The following PCDHAC2 variants were observed in gnomAD, a reference collection of about 807,000 sequenced individuals.
PCDHAC2 encodes protocadherin alpha-C2.
PCDHAC2 carries 24 observed loss-of-function variants against 63.3 expected under a neutral mutation model. The ratio of observed to expected loss-of-function variants is 0.38; its 90% confidence interval spans 0.27 to 0.53. PCDHAC2 has a LOEUF of 0.53. Ranked by LOEUF, PCDHAC2 falls within the 20% of genes least tolerant of loss-of-function variation. PCDHAC2 has a pLI of 0.81. For synonymous variants in PCDHAC2, 569 were observed against 529.4 expected, an observed-to-expected ratio of 1.07 and a Z score of -1.03; for missense variants, 1,181 against 1,275.2, an observed-to-expected ratio of 0.93 and a Z score of 1.12.
chr5:141,004,486 C>CT (rs2098167953), intron 3 of PCDHAC2, among the ~76,000 whole-genome samples: 2 of 152,200 alleles, frequency 1.3e-5, no homozygotes, highest in South Asian at 4.1e-4. Flanking sequence ...TGGATTAACT[C>CT]TTGGCAGTCC....
At chr5:140,969,485 T>C (rs1485555970) in intron 1 of PCDHAC2, 154 bp downstream of exon 1, 4 of 1,461,452 alleles carry the variant, frequency 2.7e-6, no homozygotes, top group African/African-American at 2.9e-5. Flanking sequence ...CATAATCTGC[T>C]ATTTCCTCTC....
chr5:140,967,079 A>G lies in PCDHAC2; in HGVS notation c.313A>G (p.Ile105Val), dbSNP rs2096093467. 6.2e-6 allele frequency: 10 copies of G among 1,613,252 alleles called. No individual in the cohort carries two copies. Among genetic ancestry groups the G allele is most frequent in the Non-Finnish European group, 8.5e-6 (10 of 1,179,752 alleles). ...TGGAGCGCTCTTCGTCAACGAGCGC[A>G]TTGATCGGGAGGCGCTGTGTGAGCA... Reference protein sequence around the residue: ...TSGALFVNERIDREALCEQRP... With the variant: ...TSGALFVNERVDREALCEQRP... The change falls in exon 1 of 4, where the codon ATT (isoleucine) becomes GTT (valine). Residue 105 changes from isoleucine to valine, a missense_variant. Around this residue, in one of 3 missense-constraint regions of PCDHAC2, gnomAD observed 210 missense variants for 184.9 expected, o/e 1.14. Transcript: ENST00000289269.
In PCDHAC2 at chr5:140,967,207, T is replaced by G. The variant is rs376266648; in HGVS notation, c.441T>G (p.Arg147=). The G allele has an allele frequency of 9.9e-6, 16 of 1,613,648 alleles. No individual in the cohort carries two copies. The highest frequency in any genetic ancestry group is 1.1e-5 in the Non-Finnish European group (13 of 1,179,822). ...EILDINDNSP[R]FPRPNYQLQV... is the part of the protein sequence containing the mutation. ...TGGACATCAACGACAACTCACCGCG[T>G]TTCCCGCGGCCCAACTACCAGCTTC... The change falls in exon 1 of 4, where the codon CGT becomes CGG. Residue 147 remains arginine, a synonymous_variant. Coordinates refer to ENST00000289269, the MANE Select transcript of PCDHAC2 (RefSeq NM_018899.6).
At chr5:140,985,616 G>C in intron 3 of PCDHAC2, among the ~76,000 whole-genome samples, 1 of 152,104 alleles carries the variant, frequency 6.6e-6, no homozygotes, top group African/African-American at 2.4e-5. Flanking sequence ...CCGTGAACCA[G>C]CTGTGTATTG....
chr5:140,970,595 G>C (rs1554232604), intron 1 of PCDHAC2, among the ~76,000 whole-genome samples: 1 of 152,098 alleles, frequency 6.6e-6, no homozygotes, highest in African/African-American at 2.4e-5. Context: ...TATGCTTTGT[G>C]ATACTTAAAA....
chr5:141,004,101 T>C (rs2098153096), intron 3 of PCDHAC2, among the ~76,000 whole-genome samples: 1 of 152,220 alleles, frequency 6.6e-6, no homozygotes, highest in Admixed American at 6.5e-5. Flanking sequence ...TCCGTTTTCA[T>C]CTTCTTCAAA....
Position 140,967,704 on chromosome 5 carries a change from G to A in PCDHAC2, c.938G>A (p.Ser313Asn). The A allele has an allele frequency of 6.2e-7, 1 of 1,614,196 alleles. No individual in the cohort carries two copies. The highest frequency in any genetic ancestry group is 8.5e-7 in the Non-Finnish European group (1 of 1,180,040). Residue 313 changes from serine to asparagine, a missense_variant, in exon 1 of 4, where the codon AGT (serine) becomes AAT (asparagine). Physicochemically the swap from Ser to Asn is conservative, Grantham distance 46. Transcript: ENST00000289269. ...RERQLFSIDA[S>N]TGEVRVIGGL... ...AGGCAGCTCTTCAGCATAGATGCCA[G>A]TACCGGGGAAGTGCGAGTAATTGGG...
chr5:140,995,113 A>G (rs560699104), intron 3 of PCDHAC2, among the ~76,000 whole-genome samples: 68 of 152,252 alleles, frequency 4.5e-4, no homozygotes, highest in Non-Finnish European at 8.4e-4. Flanking sequence ...CAAGACCCTC[A>G]GTGGATGCCT....
intron 3 of PCDHAC2, among the ~76,000 whole-genome samples, chr5:140,990,733 A>G (rs2097410113): frequency 6.6e-6 from 1 of 152,198 alleles, no homozygotes; most frequent in Admixed American, 6.5e-5. Flanking sequence ...GTATATCAAC[A>G]GCCCTAGGGT....
At position 141,009,749 on chromosome 5, in the gene PCDHAC2, A is replaced by G. The variant is rs2098414176; in HGVS notation, c.2836A>G (p.Ile946Val). Residue 946 changes from isoleucine to valine, a missense_variant, in exon 4 of 4, where the codon ATT (isoleucine) becomes GTT (valine). Ile to Val is a conservative substitution (Grantham distance 29). Transcript: ENST00000289269. ...SGPGELPDKFIIPGSPAIISI... is the reference protein window; with the variant it reads ...SGPGELPDKFVIPGSPAIISI... The stretch of plus-strand genomic sequence containing the variant: ...TCCCGGTGAGTTGCCCGACAAATTC[A>G]TTATCCCAGGATCTCCTGCAATCAT... 3 of 1,614,200 alleles carry G rather than the reference A, an allele frequency of 1.9e-6. No homozygotes were observed. The highest frequency in any genetic ancestry group is 1.6e-4 in the Middle Eastern group (1 of 6,062).
chr5:141,001,693 G>A (rs1554258280), intron 3 of PCDHAC2, among the ~76,000 whole-genome samples: 1 of 152,122 alleles, frequency 6.6e-6, no homozygotes, highest in Admixed American at 6.5e-5. Context: ...CCCACAGATG[G>A]CGAAATAGGG....
intron 3 of PCDHAC2, among the ~76,000 whole-genome samples, chr5:140,991,634 A>G (rs1261533190): frequency 5.9e-5 from 9 of 152,196 alleles, no homozygotes; most frequent in African/African-American, 1.7e-4. Flanking sequence ...TGTAATAACA[A>G]TCTGTTCATG....
rs1272799738 is a variant in PCDHAC2 at position 140,969,033 on chromosome 5, T to C, written c.2267T>C (p.Leu756Pro). The change falls in exon 1 of 4, where the codon CTG becomes CCG. Residue 756 changes from leucine (L) to proline (P), a missense_variant. Physicochemically the swap from Leu to Pro is moderately conservative, Grantham distance 98. Around this residue, in one of 3 missense-constraint regions of PCDHAC2, gnomAD observed 968 missense variants for 1,073.5 expected, o/e 0.90. Coordinates refer to ENST00000289269, the MANE Select transcript of PCDHAC2 (RefSeq NM_018899.6). ...GTAAGGGAAAGGTCCCCTGCAGAAC[T>C]GTACAAACAAGCCAACAACAATATT... ...CGVRERSPAELYKQANNNIDA... is the reference protein window; with the variant it reads ...CGVRERSPAEPYKQANNNIDA... 5 of 1,614,028 alleles carry C rather than the reference T, an allele frequency of 3.1e-6. No individual in the cohort carries two copies. Among genetic ancestry groups the C allele is most frequent in the Admixed American group, 3.3e-5 (2 of 60,006 alleles).
At chr5:140,975,027 C>G (rs1235916815) in intron 1 of PCDHAC2, among the ~76,000 whole-genome samples, 1 of 152,082 alleles carries the variant, frequency 6.6e-6, no homozygotes, top group Non-Finnish European at 1.5e-5. Flanking sequence ...GCTGTGTTGT[C>G]CTTTGCAGGC....
chr5:140,970,774 A>G (rs1554232727), intron 1 of PCDHAC2, among the ~76,000 whole-genome samples: 2 of 152,218 alleles, frequency 1.3e-5, no homozygotes, highest in Admixed American at 1.3e-4. Context: ...TGCTGTACAT[A>G]CATATTGTAT....
Position 140,967,910 on chromosome 5 carries a change from A to G in PCDHAC2, c.1144A>G (p.Thr382Ala), listed in dbSNP as rs2096197842. 1 of 1,613,996 alleles carries G rather than the reference A, an allele frequency of 6.2e-7. No homozygotes were observed. Among genetic ancestry groups the G allele is most frequent in the Non-Finnish European group, 8.5e-7 (1 of 1,179,990 alleles). ...SPVPENATPN[T>A]IVAVLSVNDQ... ...AGTGCCTGAGAATGCTACACCCAAC[A>G]CCATTGTGGCCGTTCTCAGTGTCAA... The change falls in exon 1 of 4, where the codon ACC (threonine) becomes GCC (alanine). Residue 382 changes from threonine (T) to alanine (A), a missense_variant. By Grantham distance (58) the Thr-to-Ala change is moderately conservative (BLOSUM62 0). Transcript: ENST00000289269.
chr5:141,000,904 T>A lies in PCDHAC2; in HGVS notation c.2714-8723T>A, dbSNP rs1398868730. Among the ~76,000 whole-genome samples, 6 of 151,990 alleles carry A rather than the reference T, an allele frequency of 3.9e-5. No individual in the cohort carries two copies. The East Asian group carries it at 1.2e-3, about 29-fold the overall frequency. On this transcript the variant is annotated intron_variant, in intron 3 of 3. Coordinates refer to ENST00000289269, the MANE Select transcript of PCDHAC2 (RefSeq NM_018899.6). ...ACCTGGGCAACAGATATAGACGCTGTCTCTAAAAAAAAAAATCCTGTGTGA... is the reference window on the plus strand; with the variant it reads ...ACCTGGGCAACAGATATAGACGCTGACTCTAAAAAAAAAAATCCTGTGTGA...
At chr5:140,992,201 CAG>C (rs1587495213) in intron 3 of PCDHAC2, among the ~76,000 whole-genome samples, 1 of 152,256 alleles carries the variant, frequency 6.6e-6, no homozygotes, top group East Asian at 1.9e-4. Context: ...TCTATCCAAT[CAG>C]ATAAACTACT....
At chr5:141,003,324 C>T (rs909788744) in intron 3 of PCDHAC2, among the ~76,000 whole-genome samples, 4 of 152,132 alleles carry the variant, frequency 2.6e-5, no homozygotes, top group African/African-American at 9.7e-5. Flanking sequence ...TTCCAGAGGG[C>T]AGGGTTTTTT....
Sources: allele counts gnomAD v4.1 joint callset (sites outside exome capture counted in the v4.1 genomes callset), GRCh38; gene constraint gnomAD v4.1.1; regional missense constraint gnomAD v4.1.1; transcripts MANE v1.5; gene names NCBI Gene and HGNC (gene_info 2026-07-23, HGNC 2026-07-21).